Variants in STAC observed in about 807,000 individuals in gnomAD.
STAC encodes the protein SH3 and cysteine rich domain, also known as SH3 and cysteine-rich domain-containing protein.
In STAC, 43 loss-of-function variants were observed where a neutral mutation model predicts 48.8. The observed-to-expected ratio is 0.88, with a 90% confidence interval of 0.69 to 1.14. The LOEUF is 1.14. STAC is among the 50% of genes most tolerant of loss of function. The probability of loss-of-function intolerance (pLI) is 0.00; values close to 1 mark genes in which losing one functional copy is unlikely to be tolerated. For synonymous variants in STAC, 193 were observed against 179.5 expected (o/e 1.07, Z -0.60); for missense variants, 497 against 504.0 (o/e 0.99, Z 0.13).
chr3:36,442,866 G>A (rs554675020), intron 1 of STAC, among the ~76,000 whole-genome samples: 1 of 151,826 alleles, frequency 6.6e-6, no homozygotes, highest in East Asian at 2.0e-4. Context: ...TGTGTCCTGT[G>A]GATAGTTTAG....
At chr3:36,417,015 G>A (rs1700334722) in intron 1 of STAC, among the ~76,000 whole-genome samples, 1 of 151,998 alleles carries the variant, frequency 6.6e-6, no homozygotes, top group Non-Finnish European at 1.5e-5. Context: ...TTTGGCCAGG[G>A]AGAACTTTGG....
chr3:36,510,138 G>T (rs928534130), intron 8 of STAC, among the ~76,000 whole-genome samples: 7 of 152,088 alleles, frequency 4.6e-5, no homozygotes, highest in Non-Finnish European at 1.0e-4. Flanking sequence ...CAAAAAGTGG[G>T]CAAAGGATAT....
At chr3:36,479,260 C>CT (rs989810947) in intron 2 of STAC, among the ~76,000 whole-genome samples, 8 of 151,692 alleles carry the variant, frequency 5.3e-5, no homozygotes, top group African/African-American at 9.7e-5. Flanking sequence ...GGTTGCAAAT[C>CT]TTTTTTTTTC....
chr3:36,521,673 C>T (rs1698810417), intron 8 of STAC, among the ~76,000 whole-genome samples: 1 of 152,110 alleles, frequency 6.6e-6, no homozygotes, highest in South Asian at 2.1e-4. Flanking sequence ...CTGCCAAAAA[C>T]CTAATGAGAC....
At chr3:36,449,609 T>C (rs1055240493) in intron 2 of STAC, among the ~76,000 whole-genome samples, 1 of 152,234 alleles carries the variant, frequency 6.6e-6, no homozygotes, top group Non-Finnish European at 1.5e-5. Context: ...TCTGAAATTT[T>C]ATGCCTGCTG....
At chr3:36,522,515 AT>A (rs1210870168) in intron 8 of STAC, among the ~76,000 whole-genome samples, 4 of 152,190 alleles carry the variant, frequency 2.6e-5, no homozygotes, top group Admixed American at 2.6e-4. Context: ...TGATTTTTGT[AT>A]CCCCCAATGC....
rs183776723 is a variant in STAC at position 36,507,281 on chromosome 3, G to A, written c.920+1447G>A. Among the ~76,000 whole-genome samples, 259 of 152,268 alleles carry A rather than the reference G, an allele frequency of 1.7e-3. 2 individuals are homozygous for A. Among genetic ancestry groups the A allele is most frequent in the Non-Finnish European group, 2.4e-3 (162 of 68,028 alleles). ...CCCCAGATGAAGCTGACTTGATCGAGGTGGATAAGCTTTTTGTCGTGCTGC... is the reference window on the plus strand; with the variant it reads ...CCCCAGATGAAGCTGACTTGATCGAAGTGGATAAGCTTTTTGTCGTGCTGC... On this transcript the variant is annotated intron_variant, in intron 8 of 10. Coordinates refer to ENST00000273183, the MANE Select transcript of STAC (RefSeq NM_003149.3).
chr3:36,430,983 G>C (rs1028889581), intron 1 of STAC, among the ~76,000 whole-genome samples: 3 of 152,194 alleles, frequency 2.0e-5, no homozygotes, highest in African/African-American at 7.2e-5. Context: ...ATAAGAATTT[G>C]AGGAGGGATA....
At chr3:36,421,723 T>C (rs1700454942) in intron 1 of STAC, among the ~76,000 whole-genome samples, 1 of 152,152 alleles carries the variant, frequency 6.6e-6, no homozygotes, top group South Asian at 2.1e-4. Flanking sequence ...TTATTGTACC[T>C]TTACTGTGCA....
chr3:36,543,677 G>C, intron 10 of STAC, among the ~76,000 whole-genome samples: 1 of 152,166 alleles, frequency 6.6e-6, no homozygotes, highest in South Asian at 2.1e-4. Flanking sequence ...TCCAAGAACT[G>C]AAATTCGTTC....
At chr3:36,387,544 A>T (rs1435061744) in intron 1 of STAC, among the ~76,000 whole-genome samples, 1 of 152,014 alleles carries the variant, frequency 6.6e-6, no homozygotes, top group Non-Finnish European at 1.5e-5. Context: ...ATCTATATGA[A>T]TTTGACTATT....
intron 10 of STAC, among the ~76,000 whole-genome samples, chr3:36,537,436 T>C (rs543261714): frequency 1.7e-3 from 256 of 152,182 alleles, no homozygotes; most frequent in Non-Finnish European, 3.1e-3. Flanking sequence ...ATCAAACTAA[T>C]GCAGGAACAG....
intron 8 of STAC, 53 bp downstream of exon 8, chr3:36,505,887 C>A: frequency 7.7e-7 from 1 of 1,294,608 alleles, no homozygotes; most frequent in Non-Finnish European, 1.1e-6. Flanking sequence ...GTCAGTATTT[C>A]TCCATGTGAA....
chr3:36,473,678 T>G (rs543284610), intron 2 of STAC, among the ~76,000 whole-genome samples: 1 of 152,326 alleles, frequency 6.6e-6, no homozygotes, highest in South Asian at 2.1e-4. Context: ...TATATATGTA[T>G]GTACATACAC....
chr3:36,521,690 G>A (rs141861856), intron 8 of STAC, among the ~76,000 whole-genome samples: 130 of 152,218 alleles, frequency 8.5e-4, no homozygotes, highest in African/African-American at 2.8e-3. Context: ...AGACATAAAC[G>A]TAAAAGGCAA....
intron 1 of STAC, among the ~76,000 whole-genome samples, chr3:36,412,460 A>C (rs1241480172): frequency 6.6e-6 from 1 of 152,160 alleles, no homozygotes; most frequent in Non-Finnish European, 1.5e-5. Flanking sequence ...AAAGAGAAGT[A>C]GGAATTGGAA....
chr3:36,413,274 G>A (rs1170448617), intron 1 of STAC, among the ~76,000 whole-genome samples: 1 of 152,126 alleles, frequency 6.6e-6, no homozygotes. Context: ...TGACAGTGAG[G>A]TGTTAAGTCT....
At chr3:36,441,244 T>C (rs890456897) in intron 1 of STAC, among the ~76,000 whole-genome samples, 1 of 152,194 alleles carries the variant, frequency 6.6e-6, no homozygotes, top group Non-Finnish European at 1.5e-5. Flanking sequence ...CTATCCTCCC[T>C]TCTCCCTGTG....
chr3:36,539,727 C>G (rs1024317073), intron 10 of STAC, among the ~76,000 whole-genome samples: 4 of 152,134 alleles, frequency 2.6e-5, no homozygotes, highest in African/African-American at 9.7e-5. Context: ...CCTTATAACA[C>G]TGAGGCCAAG....
Sources: allele counts gnomAD v4.1 joint callset (sites outside exome capture counted in the v4.1 genomes callset), GRCh38; gene constraint gnomAD v4.1.1; transcripts MANE v1.5; gene names NCBI Gene and HGNC (gene_info 2026-07-23, HGNC 2026-07-21).